The following MTA3 variants were observed in gnomAD, a reference collection of about 807,000 sequenced individuals.
MTA3 encodes the protein metastasis-associated protein MTA3.
MTA3 carries 34 observed loss-of-function variants against 83.5 expected under a neutral mutation model. The observed-to-expected ratio is 0.41, with a 90% confidence interval of 0.31 to 0.54. The LOEUF is 0.54. MTA3 is among the 20% of genes least tolerant of loss of function. MTA3 has a pLI of 0.33. For missense variants in MTA3, 761 were observed against 726.4 expected, an observed-to-expected ratio of 1.05 and a Z score of -0.55; for synonymous variants, 303 against 252.7, an observed-to-expected ratio of 1.20 and a Z score of -1.89.
intron 10 of MTA3, among the ~76,000 whole-genome samples, chr2:42,696,682 G>T (rs183651568): frequency 6.6e-6 from 1 of 152,260 alleles, no homozygotes; most frequent in African/African-American, 2.4e-5. Context: ...GAGGCAGGAG[G>T]ATTGCTCAGC....
At chr2:42,526,419 A>G (rs1410608104) in intron 2 of MTA3, among the ~76,000 whole-genome samples, 3 of 152,106 alleles carry the variant, frequency 2.0e-5, no homozygotes, top group Admixed American at 2.0e-4. Context: ...ACACTTCTCC[A>G]GAAGCCCCCA....
chr2:42,520,912 T>C (rs1339088708), intron 2 of MTA3, among the ~76,000 whole-genome samples: 2 of 152,164 alleles, frequency 1.3e-5, no homozygotes, highest in African/African-American at 2.4e-5. Flanking sequence ...AGCTCCCTAC[T>C]GCTGACCTCA....
chr2:42,524,625 G>C (rs1309598874), intron 2 of MTA3, among the ~76,000 whole-genome samples: 1 of 151,574 alleles, frequency 6.6e-6, no homozygotes, highest in African/African-American at 2.4e-5. Flanking sequence ...CGCCCCGCCA[G>C]CTGCAACCAT....
intron 2 of MTA3, among the ~76,000 whole-genome samples, chr2:42,503,604 A>C (rs1405564432): frequency 1.3e-5 from 2 of 152,144 alleles, no homozygotes; most frequent in South Asian, 4.1e-4. Context: ...ACTTCTCAGG[A>C]CTAGCTAGGT....
chr2:42,694,518 G>T (rs918967997), intron 9 of MTA3, among the ~76,000 whole-genome samples: 3 of 152,146 alleles, frequency 2.0e-5, no homozygotes, highest in Non-Finnish European at 2.9e-5. Context: ...CCCCAGCATG[G>T]ATTTATTCTC....
At chr2:42,662,442 T>G (rs933312061) in intron 8 of MTA3, among the ~76,000 whole-genome samples, 3 of 151,682 alleles carry the variant, frequency 2.0e-5, no homozygotes, top group Non-Finnish European at 4.4e-5. Flanking sequence ...TAGAGTGAGG[T>G]AGGGATCTAA....
intron 14 of MTA3, among the ~76,000 whole-genome samples, chr2:42,717,697 A>T (rs994646241): frequency 6.6e-6 from 1 of 152,206 alleles, no homozygotes; most frequent in Non-Finnish European, 1.5e-5. Flanking sequence ...TGAATGACAT[A>T]GCTTGATCAG....
intron 3 of MTA3, among the ~76,000 whole-genome samples, chr2:42,594,156 T>G (rs1028292176): frequency 6.6e-6 from 1 of 151,788 alleles, no homozygotes; most frequent in African/African-American, 2.4e-5. Flanking sequence ...TTCACTATGT[T>G]GGCCAGGCTG....
At chr2:42,506,185 C>T (rs892652783) in intron 2 of MTA3, among the ~76,000 whole-genome samples, 3 of 152,092 alleles carry the variant, frequency 2.0e-5, no homozygotes, top group Admixed American at 2.0e-4. Flanking sequence ...TGGCTCATGC[C>T]TATAATCCCA....
At chr2:42,696,062 C>A (rs1469758447) in intron 10 of MTA3, among the ~76,000 whole-genome samples, 2 of 151,906 alleles carry the variant, frequency 1.3e-5, no homozygotes, top group African/African-American at 4.8e-5. Flanking sequence ...GGAGAGATAC[C>A]ACTAGAGAGG....
intron 16 of MTA3, 61 bp from the exon 17 acceptor site, chr2:42,753,313 T>A: frequency 6.5e-7 from 1 of 1,549,358 alleles, no homozygotes; most frequent in Non-Finnish European, 8.7e-7. Flanking sequence ...CATCCTCCCT[T>A]TCATCTTGCC....
At chr2:42,744,098 T>G (rs1180811641) in intron 16 of MTA3, among the ~76,000 whole-genome samples, 1 of 152,202 alleles carries the variant, frequency 6.6e-6, no homozygotes, top group East Asian at 1.9e-4. Flanking sequence ...AGGACTATTA[T>G]GCCCCCAGGG....
chr2:42,720,457 A>G (rs926993647), intron 15 of MTA3, among the ~76,000 whole-genome samples: 3 of 152,132 alleles, frequency 2.0e-5, no homozygotes, highest in Non-Finnish European at 4.4e-5. Context: ...CTGGGATTAC[A>G]GGCATGAGCC....
intron 12 of MTA3, among the ~76,000 whole-genome samples, chr2:42,706,496 C>G (rs1290380874): frequency 6.6e-6 from 1 of 152,142 alleles, no homozygotes; most frequent in Non-Finnish European, 1.5e-5. Context: ...ATAATGGTCT[C>G]TGTATTTTCT....
At chr2:42,654,585 A>C (rs10172447) in intron 6 of MTA3, among the ~76,000 whole-genome samples, 1 of 152,160 alleles carries the variant, frequency 6.6e-6, no homozygotes, top group African/African-American at 2.4e-5. Context: ...CAAAGCATTC[A>C]GCATTATTGT....
rs1573781611 is a variant in MTA3 at position 42,728,666 on chromosome 2, G to A, written c.1759+5631G>A. On this transcript the variant is annotated intron_variant, in intron 16 of 16. Transcript: ENST00000405094. ...AGAGCTATTTTAACTGGGGCTAAAT[G>A]ATACCTCATTGTAGTTTTGATTTGC... Among the ~76,000 whole-genome samples, 3 of 152,194 alleles carry A rather than the reference G, an allele frequency of 2.0e-5. No individual in the cohort carries two copies. The South Asian group carries it at 6.2e-4, about 31-fold the overall frequency.
chr2:42,671,302 G>T (rs1690770688), intron 8 of MTA3, among the ~76,000 whole-genome samples: 1 of 151,744 alleles, frequency 6.6e-6, no homozygotes, highest in South Asian at 2.1e-4. Flanking sequence ...TAAACAGTTT[G>T]CCGTATTTGT....
chr2:42,724,275 A>ACACAC (rs1667639939), intron 16 of MTA3, among the ~76,000 whole-genome samples: 1 of 82,184 alleles, frequency 1.2e-5, no homozygotes, highest in Non-Finnish European at 2.6e-5. Flanking sequence ...TAAGTCCTGA[A>ACACAC]AAACACACAC....
At chr2:42,742,493 C>T (rs751959417) in intron 16 of MTA3, among the ~76,000 whole-genome samples, 6 of 151,744 alleles carry the variant, frequency 4.0e-5, no homozygotes, top group Admixed American at 2.6e-4. Context: ...GCTCATCTGC[C>T]GATATACCAA....
Sources: allele counts gnomAD v4.1 joint callset (sites outside exome capture counted in the v4.1 genomes callset), GRCh38; gene constraint gnomAD v4.1.1; transcripts MANE v1.5; gene names NCBI Gene and HGNC (gene_info 2026-07-23, HGNC 2026-07-21).